FBXW2: variants seen among roughly 807,000 people sequenced by gnomAD.
The protein encoded by FBXW2 is F-box and WD repeat domain containing 2.
FBXW2 carries 12 observed loss-of-function variants against 46.0 expected under a neutral mutation model. That is an observed-to-expected ratio of 0.26 (90% confidence interval 0.17 to 0.42). The LOEUF is 0.42. FBXW2 is among the 10% of genes least tolerant of loss of function. The pLI is 1.00. For synonymous variants in FBXW2, 203 were observed against 209.6 expected, an observed-to-expected ratio of 0.97 and a Z score of 0.27; for missense variants, 360 against 537.0, an observed-to-expected ratio of 0.67 and a Z score of 3.26.
At chr9:120,777,326 T>G (rs1035973195) in intron 4 of FBXW2, among the ~76,000 whole-genome samples, 2 of 152,114 alleles carry the variant, frequency 1.3e-5, no homozygotes, top group African/African-American at 4.8e-5. Context: ...GGAGGACAAA[T>G]AAAATGAAGC....
At chr9:120,787,655 C>A in intron 3 of FBXW2, 114 bp downstream of exon 3, 1 of 1,127,228 alleles carries the variant, frequency 8.9e-7, no homozygotes, top group Admixed American at 2.6e-5. Context: ...AAAAAAGTCA[C>A]TGTACATATC....
At position 120,764,968 on chromosome 9, in the gene FBXW2, G is replaced by A. The variant is rs1041281197; in HGVS notation, c.1077-121C>T. 1.7e-5 allele frequency: 14 copies of A among 840,740 alleles called. No homozygotes were observed. In the African/African-American group the frequency reaches 2.4e-4, roughly 14 times the overall value. 52.1% of individuals were successfully genotyped at this position (840,740 alleles called of 1,614,324 possible). ...AATTCAAGCAAATTTAGAGTTAAAT[G>A]TTTTTGATAAAAAGTAAAATATAAG... On this transcript the variant is annotated intron_variant, in intron 7 of 7. Transcript: ENST00000608872.
In FBXW2 at chr9:120,764,580, C is replaced by T. The variant is rs758772901; in HGVS notation, c.1344G>A (p.Val448=). Reference sequence around the variant, plus strand: ...GGTGTCAGCCGTGCTCCTTCCACAACACCAGGTGAATACTGTGGTCAGGCA... The same window carrying T: ...GGTGTCAGCCGTGCTCCTTCCACAATACCAGGTGAATACTGTGGTCAGGCA... ...TSMPDHSIHL[V]LWKEHG The change falls in exon 8 of 8, where the codon GTG becomes GTA. Residue 448 remains valine (V), a synonymous_variant. Coordinates refer to ENST00000608872, the MANE Select transcript of FBXW2 (RefSeq NM_012164.4). The T allele has an allele frequency of 5.6e-6, 9 of 1,613,728 alleles. No homozygotes were observed. The East Asian group carries it at 1.6e-4, about 28-fold the overall frequency.
rs1281924147 is a variant in FBXW2, at chr9:120,776,085, C to G, written c.819+8G>C. The G allele has an allele frequency of 6.2e-7, 1 of 1,613,342 alleles. No homozygotes were observed. Among genetic ancestry groups the G allele is most frequent in the East Asian group, 2.2e-5 (1 of 44,884 alleles). ...GATAAGCAGGAGACTTCTTCCAAGT[C>G]TTCCTACCTTGGTGACCCATTCCGT... On this transcript the variant is annotated splice_region_variant and intron_variant, in intron 5 of 7. Transcript: ENST00000608872.
At chr9:120,776,256 C>T (rs779739681) in intron 4 of FBXW2, 30 bp from the exon 5 acceptor site, 1 of 1,606,912 alleles carries the variant, frequency 6.2e-7, no homozygotes, top group South Asian at 1.1e-5. Flanking sequence ...AAAGTTAAAA[C>T]ATGTCTCTGT....
In FBXW2 at chr9:120,793,360, C is replaced by G. The variant is rs1329510001; in HGVS notation, c.-136G>C. The stretch of plus-strand genomic sequence containing the variant: ...CCCCGCCTCGCATACAGACCCGGAC[C>G]TGCGGCCGCTGCTCCCGGTCCGCAG... On this transcript the variant is annotated 5_prime_UTR_variant, in exon 1 of 8. Coordinates refer to ENST00000608872, the MANE Select transcript of FBXW2 (RefSeq NM_012164.4). The G allele has an allele frequency of 2.5e-6, 1 of 402,200 alleles. No homozygotes were observed. Among genetic ancestry groups the G allele is most frequent in the Non-Finnish European group, 4.4e-6 (1 of 228,288 alleles). 24.9% of individuals were successfully genotyped at this position (402,200 alleles called of 1,614,324 possible).
chr9:120,765,776 AT>A (rs1004599536), intron 7 of FBXW2, among the ~76,000 whole-genome samples: 12 of 152,312 alleles, frequency 7.9e-5, no homozygotes, highest in Non-Finnish European at 1.6e-4. Context: ...TTAATAATAG[AT>A]TCATAAAAAG....
Position 120,793,180 on chromosome 9 carries a change from C to T in FBXW2, c.-52G>A, listed in dbSNP as rs14052. ...GAGCGCCCCGGGGCCCGGGACCTCGCGCCGGGTTCACAGCTACTAGGCACG... is the reference window on the plus strand; with the variant it reads ...GAGCGCCCCGGGGCCCGGGACCTCGTGCCGGGTTCACAGCTACTAGGCACG... On this transcript the variant is annotated 5_prime_UTR_variant, in exon 2 of 8. Transcript: ENST00000608872. 5,377 of 572,220 alleles carry T rather than the reference C, an allele frequency of 9.4e-3. 224 individuals carry two copies. Among genetic ancestry groups the T allele is most frequent in the African/African-American group, 0.084 (4,408 of 52,584 alleles). 35.4% of individuals were successfully genotyped at this position (572,220 alleles called of 1,614,324 possible). A position where few individuals can be genotyped will look rare whatever the true frequency, so the allele number is the denominator to read the frequency against.
Position 120,764,261 on chromosome 9 carries a change from C to T in FBXW2, c.*298G>A. 2.4e-6 allele frequency: 1 copy of T among 414,176 alleles called. No homozygotes were observed. The highest frequency in any genetic ancestry group is 4.3e-6 in the Non-Finnish European group (1 of 234,784). 25.7% of individuals were successfully genotyped at this position (414,176 alleles called of 1,614,324 possible). A position where few individuals can be genotyped will look rare whatever the true frequency, so the allele number is the denominator to read the frequency against. ...ATCATTTAACTTTCTTTACTTAAAA[C>T]CAATACTCCACTCAAGAAAGATGAA... On this transcript the variant is annotated 3_prime_UTR_variant, in exon 8 of 8. Coordinates refer to ENST00000608872, the MANE Select transcript of FBXW2 (RefSeq NM_012164.4).
At chr9:120,769,693 T>C (rs1041482553) in intron 7 of FBXW2, among the ~76,000 whole-genome samples, 12 of 152,236 alleles carry the variant, frequency 7.9e-5, no homozygotes, top group Admixed American at 4.6e-4. Context: ...CCCCTGTTTT[T>C]GGTGTCCCTG....
In FBXW2 at chr9:120,762,313, C is replaced by A. The variant is rs1399886101; in HGVS notation, c.*2246G>T. On this transcript the variant is annotated 3_prime_UTR_variant, in exon 8 of 8. Coordinates refer to ENST00000608872, the MANE Select transcript of FBXW2 (RefSeq NM_012164.4). ...CAAGATCGTGCCATTGCACTCCAGC[C>A]TGCGCAGTAAGAGCGAAACTCTGTC... 1 of 151,514 alleles carries A rather than the reference C, an allele frequency of 6.6e-6. No homozygotes were observed. Among genetic ancestry groups the A allele is most frequent in the Non-Finnish European group, 1.5e-5 (1 of 67,980 alleles). The allele number at this position is 151,514 out of a possible 1,614,324, so 9.4% of individuals were successfully genotyped here. A position where few individuals can be genotyped will look rare whatever the true frequency, so the allele number is the denominator to read the frequency against.
At position 120,772,858 on chromosome 9, in the gene FBXW2, G is replaced by A. The variant is rs1211797095; in HGVS notation, c.820-18C>T. The stretch of plus-strand genomic sequence containing the variant: ...AAAACTACCTGCAAATGTAAACCAT[G>A]TTACGGAAAGATCCTTTTAATGCTG... On this transcript the variant is annotated intron_variant, in intron 5 of 7. Transcript: ENST00000608872. 4 of 1,554,838 alleles carry A rather than the reference G, an allele frequency of 2.6e-6. No homozygotes were observed. The highest frequency in any genetic ancestry group is 3.5e-6 in the Non-Finnish European group (4 of 1,128,002).
rs2044211778 is a variant in FBXW2, at chr9:120,762,484, T to C, written c.*2075A>G. 6.6e-6 allele frequency: 1 copy of C among 152,248 alleles called. No homozygotes were observed. The highest frequency in any genetic ancestry group is 2.4e-5 in the African/African-American group (1 of 41,462). 9.4% of individuals were successfully genotyped at this position (152,248 alleles called of 1,614,324 possible). On this transcript the variant is annotated 3_prime_UTR_variant, in exon 8 of 8. Coordinates refer to ENST00000608872, the MANE Select transcript of FBXW2 (RefSeq NM_012164.4). ...AGCAGAGCTGATGCACAGAACTCAA[T>C]GTGAGATAGATTAAACCCAGATTTT...
chr9:120,792,342 CTTT>C (rs1007065032), intron 2 of FBXW2: 2 of 114,716 alleles, frequency 1.7e-5, no homozygotes, highest in African/African-American at 6.2e-5. Context: ...TCATTTCCCC[CTTT>C]TCTTATCAAA....
At chr9:120,790,002 G>A (rs1250612392) in intron 2 of FBXW2, among the ~76,000 whole-genome samples, 5 of 152,046 alleles carry the variant, frequency 3.3e-5, no homozygotes, top group African/African-American at 2.4e-5. Flanking sequence ...AAGTTTTATC[G>A]ACTTATCACG....
chr9:120,757,386 G>C lies in FBXW2; in HGVS notation c.*7173C>G, dbSNP rs561027835. 2 of 152,156 alleles carry C rather than the reference G, an allele frequency of 1.3e-5. No homozygotes were observed. The highest frequency in any genetic ancestry group is 6.5e-5 in the Admixed American group (1 of 15,280). 9.4% of individuals were successfully genotyped at this position (152,156 alleles called of 1,614,324 possible). On this transcript the variant is annotated 3_prime_UTR_variant, in exon 8 of 8. Coordinates refer to ENST00000608872, the MANE Select transcript of FBXW2 (RefSeq NM_012164.4). ...TAAGAAAAAATTCCACTGCTTTTGC[G>C]AGTAAGTCTTCTACTGGAACTTGTT... is the stretch of plus-strand genomic sequence containing the variant.
rs571595392 is a variant in FBXW2, at chr9:120,774,074, G to A, written c.820-1234C>T. On this transcript the variant is annotated intron_variant, in intron 5 of 7. Transcript: ENST00000608872. The stretch of plus-strand genomic sequence containing the variant: ...TTAGCAGCTGGGCACGGTGGCTCAC[G>A]CCTGTAATCTCAGCATTTTGGGAGG... Among the ~76,000 whole-genome samples, 12 of 152,096 alleles carry A rather than the reference G, an allele frequency of 7.9e-5. No homozygotes were observed. In the East Asian group the frequency reaches 1.9e-3, roughly 25 times the overall value.
intron 2 of FBXW2, chr9:120,792,851 C>A (rs1051347696): frequency 5.5e-6 from 8 of 1,456,340 alleles, no homozygotes; most frequent in African/African-American, 2.8e-5. Flanking sequence ...ATATTGTTAT[C>A]TTTGCTTTAC....
rs2044196391 is a variant in FBXW2 at position 120,761,526 on chromosome 9, A to C, written c.*3033T>G. 1 of 152,240 alleles carries C rather than the reference A, an allele frequency of 6.6e-6. No individual in the cohort carries two copies. Among genetic ancestry groups the C allele is most frequent in the Non-Finnish European group, 1.5e-5 (1 of 68,044 alleles). The allele number at this position is 152,240 out of a possible 1,614,324, so 9.4% of individuals were successfully genotyped here. On this transcript the variant is annotated 3_prime_UTR_variant, in exon 8 of 8. Transcript: ENST00000608872. The stretch of plus-strand genomic sequence containing the variant: ...CTCAAAGGCAATGAAAGGAGAGTAA[A>C]GAATAGTTTTAGTTATCCCCTATCC...
Sources: allele counts gnomAD v4.1 joint callset (sites outside exome capture counted in the v4.1 genomes callset), GRCh38; gene constraint gnomAD v4.1.1; transcripts MANE v1.5; gene names NCBI Gene and HGNC (gene_info 2026-07-23, HGNC 2026-07-21).